Variants in ATP1B4 observed in about 807,000 individuals in gnomAD.
ATP1B4 encodes the protein protein ATP1B4.
ATP1B4 carries 32 observed loss-of-function variants against 29.6 expected under a neutral mutation model. The observed-to-expected ratio is 1.08, with a 90% CI of 0.82 to 1.45. The LOEUF (loss-of-function observed/expected upper bound fraction) is 1.45. Ranked by LOEUF, ATP1B4 falls within the 40% of genes most tolerant of loss-of-function variation. The pLI is 0.00. For missense variants in ATP1B4, 323 were observed against 276.2 expected (o/e 1.17, Z -1.20); for synonymous variants, 127 against 102.1 (o/e 1.24, Z -1.47).
intron 1 of ATP1B4, among the ~76,000 whole-genome samples, chrX:120,362,707 A>T (rs1347236898): frequency 8.9e-6 from 1 of 111,895 alleles, no homozygotes; most frequent in African/African-American, 3.3e-5. Flanking sequence ...CTAAAATCAT[A>T]GAATCCCCAA....
Sources: gnomAD v4.1 joint callset for allele counts (sites outside exome capture counted in the v4.1 genomes callset) on GRCh38, gnomAD v4.1.1 for gene constraint, MANE v1.5 for transcripts, NCBI Gene and HGNC (gene_info 2026-07-23, HGNC 2026-07-21) for gene names.